The following VWA3A variants were observed in gnomAD, a reference collection of about 807,000 sequenced individuals.
The protein encoded by VWA3A is von Willebrand factor A domain-containing protein 3A.
A neutral mutation model predicts 160.4 loss-of-function variants in VWA3A; 134 were observed. The ratio of observed to expected loss-of-function variants is 0.84; its 90% CI spans 0.73 to 0.96. VWA3A has a LOEUF of 0.96. VWA3A is among the 40% of genes least tolerant of loss of function. VWA3A has a pLI of 0.00. For synonymous variants in VWA3A, 476 were observed against 543.4 expected (o/e 0.88, Z 1.72); for missense variants, 1,310 against 1,447.9 (o/e 0.90, Z 1.55).
At chr16:22,144,915 T>C (rs2142006134) in intron 26 of VWA3A, among the ~76,000 whole-genome samples, 1 of 152,154 alleles carries the variant, frequency 6.6e-6, no homozygotes, top group Non-Finnish European at 1.5e-5. Context: ...GCCTGACTCT[T>C]AAAACATAAA....
At position 22,142,592 on chromosome 16, in the gene VWA3A, G is replaced by C. The variant is rs1035442515; in HGVS notation, c.2495-76G>C. ...CCCATTAAGCCCCATCTCCAACACT[G>C]GGGATCACATTTCATGAGGTTTGCA... On this transcript the variant is annotated intron_variant, in intron 24 of 33. Coordinates refer to ENST00000389398, the MANE Select transcript of VWA3A (RefSeq NM_173615.5). 4 of 1,151,684 alleles carry C rather than the reference G, an allele frequency of 3.5e-6. No homozygotes were observed. In the Admixed American group the frequency reaches 6.0e-5, roughly 17 times the overall value. The allele number at this position is 1,151,684 out of a possible 1,614,324, so 71.3% of individuals were successfully genotyped here.
chr16:22,140,048 C>T lies in VWA3A; in HGVS notation c.2293-106C>T, dbSNP rs114725323. The T allele has an allele frequency of 7.1e-4, 775 of 1,086,452 alleles. 4 individuals are homozygous for T. Among genetic ancestry groups the T allele is most frequent in the Middle Eastern group, 4.8e-3 (24 of 4,974 alleles). The allele number at this position is 1,086,452 out of a possible 1,614,324, so 67.3% of individuals were successfully genotyped here. A position where few individuals can be genotyped will look rare whatever the true frequency, so the allele number is the denominator to read the frequency against. On this transcript the variant is annotated intron_variant, in intron 22 of 33. Transcript: ENST00000389398. Reference sequence around the variant, plus strand: ...TGTCTGAGGAGTCCCCTCCCTTAGGCTCCTCCCTACAAAAGTTCCTGATTG... The same window carrying T: ...TGTCTGAGGAGTCCCCTCCCTTAGGTTCCTCCCTACAAAAGTTCCTGATTG...
Position 22,115,492 on chromosome 16 carries a change from C to G in VWA3A, c.815+20C>G, listed in dbSNP as rs749627547. ...AAGCTGGTAGGTCTTCTTTCCTAAGCAGGTGACATACTACATGAAAAGGAC... is the reference window on the plus strand; with the variant it reads ...AAGCTGGTAGGTCTTCTTTCCTAAGGAGGTGACATACTACATGAAAAGGAC... On this transcript the variant is annotated intron_variant, in intron 9 of 33. Transcript: ENST00000389398. The G allele has an allele frequency of 6.3e-7, 1 of 1,592,572 alleles. No homozygotes were observed. Among genetic ancestry groups the G allele is most frequent in the Non-Finnish European group, 8.5e-7 (1 of 1,172,472 alleles).
At chr16:22,105,677 T>A in intron 6 of VWA3A, among the ~76,000 whole-genome samples, 1 of 152,244 alleles carries the variant, frequency 6.6e-6, no homozygotes, top group East Asian at 1.9e-4. Context: ...CAGGCTCCAA[T>A]TGCCTCTTAT....
At chr16:22,138,966 C>A (rs1327230968) in intron 22 of VWA3A, among the ~76,000 whole-genome samples, 2 of 152,042 alleles carry the variant, frequency 1.3e-5, no homozygotes, top group Non-Finnish European at 2.9e-5. Flanking sequence ...CCTATCAATT[C>A]TGTCCTCCAT....
chr16:22,110,079 C>T (rs918585264), intron 7 of VWA3A, among the ~76,000 whole-genome samples: 4 of 152,126 alleles, frequency 2.6e-5, no homozygotes, highest in Admixed American at 6.5e-5. Context: ...GAGTCAAATC[C>T]CAGCCACCTC....
At chr16:22,115,281 A>C (rs2045613501) in intron 8 of VWA3A, 66 bp from the exon 9 acceptor site, 3 of 1,483,866 alleles carry the variant, frequency 2.0e-6, no homozygotes, top group Non-Finnish European at 2.7e-6. Flanking sequence ...ATCTCTAAAA[A>C]GAAATTAAAA....
intron 8 of VWA3A, among the ~76,000 whole-genome samples, chr16:22,114,081 G>C (rs1367701529): frequency 2.6e-5 from 4 of 151,996 alleles, no homozygotes; most frequent in African/African-American, 7.2e-5. Context: ...GCAAAACAGT[G>C]GTTTTAAATT....
intron 18 of VWA3A, 120 bp downstream of exon 18, chr16:22,131,399 A>G (rs2045945831): frequency 5.6e-6 from 8 of 1,429,950 alleles, no homozygotes; most frequent in Non-Finnish European, 7.6e-6. Context: ...CCAAACAGCC[A>G]TGGGCAGAAA....
At chr16:22,143,647 G>A (rs2046192787) in intron 25 of VWA3A, among the ~76,000 whole-genome samples, 1 of 152,074 alleles carries the variant, frequency 6.6e-6, no homozygotes. Context: ...AGGTGGGGTT[G>A]AAATGGATGT....
chr16:22,144,998 C>T (rs1342080101), intron 26 of VWA3A, among the ~76,000 whole-genome samples: 1 of 152,168 alleles, frequency 6.6e-6, no homozygotes, highest in Non-Finnish European at 1.5e-5. Flanking sequence ...CATAAGAATG[C>T]TGTACCCCAA....
chr16:22,133,050 G>T lies in VWA3A; in HGVS notation c.2023G>T (p.Val675Phe), dbSNP rs2045977820. 7.4e-6 allele frequency: 12 copies of T among 1,613,856 alleles called. No homozygotes were observed. Among genetic ancestry groups the T allele is most frequent in the Admixed American group, 3.3e-5 (2 of 60,000 alleles). ...HTDTAAAYKE[V>F]TRAAGGRFHW... ...TGACACAGCCGCCGCCTACAAGGAGGTCACCCGGGCTGCAGGTGGCCGCTT... is the reference window on the plus strand; with the variant it reads ...TGACACAGCCGCCGCCTACAAGGAGTTCACCCGGGCTGCAGGTGGCCGCTT... Residue 675 changes from valine (V) to phenylalanine (F), a missense_variant, in exon 20 of 34, where the codon GTC (valine) becomes TTC (phenylalanine). By Grantham distance (50) the Val-to-Phe change is conservative. Coordinates refer to ENST00000389398, the MANE Select transcript of VWA3A (RefSeq NM_173615.5).
Position 22,132,935 on chromosome 16 carries a change from C to T in VWA3A, c.1908C>T (p.Gly636=), listed in dbSNP as rs765657512. Residue 636 remains glycine (G), a synonymous_variant, in exon 20 of 34, where the codon GGC becomes GGT. Coordinates refer to ENST00000389398, the MANE Select transcript of VWA3A (RefSeq NM_173615.5). ...GTGCCTACATGGCTGAGGCCTGTGGCGGCTGCGACCTCCAGCTGAACGTGT... is the reference window on the plus strand; with the variant it reads ...GTGCCTACATGGCTGAGGCCTGTGGTGGCTGCGACCTCCAGCTGAACGTGT... The part of the protein sequence containing the change: ...TLSAYMAEAC[G]GCDLQLNVCL... 63 of 1,613,674 alleles carry T rather than the reference C, an allele frequency of 3.9e-5. No homozygotes were observed. The highest frequency in any genetic ancestry group is 4.7e-5 in the Non-Finnish European group (55 of 1,179,868).
chr16:22,154,323 C>CTTT (rs988862954), intron 31 of VWA3A, among the ~76,000 whole-genome samples: 81 of 73,878 alleles, frequency 1.1e-3, no homozygotes, highest in Non-Finnish European at 1.4e-3. Flanking sequence ...TTTTCTTTTT[C>CTTT]TTTTTTTTTT....
At chr16:22,151,227 C>T (rs899153574) in intron 30 of VWA3A, among the ~76,000 whole-genome samples, 2 of 149,704 alleles carry the variant, frequency 1.3e-5, no homozygotes, top group South Asian at 2.1e-4. Flanking sequence ...TTGCAGTCAG[C>T]GGAGGTTGCA....
intron 25 of VWA3A, among the ~76,000 whole-genome samples, chr16:22,143,254 C>T (rs1002891786): frequency 6.6e-6 from 1 of 152,120 alleles, no homozygotes. Context: ...TCTGCCACTT[C>T]CTGCCTGGGT....
chr16:22,144,313 A>T lies in VWA3A; in HGVS notation c.2659A>T (p.Thr887Ser). The T allele has an allele frequency of 6.2e-7, 1 of 1,613,918 alleles. No homozygotes were observed. Among genetic ancestry groups the T allele is most frequent in the Non-Finnish European group, 8.5e-7 (1 of 1,179,886 alleles). Residue 887 changes from threonine (T) to serine (S), a missense_variant, in exon 26 of 34, where the codon ACT (threonine) becomes TCT (serine). Thr to Ser is a moderately conservative substitution (Grantham distance 58). Coordinates refer to ENST00000389398, the MANE Select transcript of VWA3A (RefSeq NM_173615.5). ...TTCCAGATGCATGGGTCCCAACTGC[A>T]CTCATCAAAAGTCAGGACAGAGGTC... Reference protein sequence around the residue: ...EISRCMGPNCTHQKSGQRSAS... With the variant: ...EISRCMGPNCSHQKSGQRSAS...
intron 29 of VWA3A, among the ~76,000 whole-genome samples, chr16:22,150,273 T>C (rs558758227): frequency 6.6e-6 from 1 of 152,272 alleles, no homozygotes; most frequent in African/African-American, 2.4e-5. Flanking sequence ...TGGTGGCACA[T>C]GCCTGTAATC....
chr16:22,118,069 C>T (rs1300139024), intron 11 of VWA3A, among the ~76,000 whole-genome samples: 1 of 152,106 alleles, frequency 6.6e-6, no homozygotes, highest in East Asian at 1.9e-4. Flanking sequence ...TCATTTGAGG[C>T]CACGAGTTTG....
Sources: allele counts gnomAD v4.1 joint callset (sites outside exome capture counted in the v4.1 genomes callset), GRCh38; gene constraint gnomAD v4.1.1; transcripts MANE v1.5; gene names NCBI Gene and HGNC (gene_info 2026-07-23, HGNC 2026-07-21).